The following SAMD4A variants were observed in gnomAD, a reference collection of about 807,000 sequenced individuals.
SAMD4A encodes protein Smaug homolog 1.
In SAMD4A, 33 loss-of-function variants were observed where a neutral mutation model predicts 81.3. The ratio of observed to expected loss-of-function variants is 0.41; its 90% CI spans 0.31 to 0.54. The LOEUF is 0.54. Among genes scored for constraint, SAMD4A ranks in the 20% least tolerant of loss-of-function variants. SAMD4A has a pLI of 0.37. For synonymous variants in SAMD4A, 389 were observed against 382.1 expected, an observed-to-expected ratio of 1.02 and a Z score of -0.21; for missense variants, 854 against 951.1, an observed-to-expected ratio of 0.90 and a Z score of 1.34.
intron 2 of SAMD4A, among the ~76,000 whole-genome samples, chr14:54,621,996 T>C (rs2034629479): frequency 6.6e-6 from 1 of 152,174 alleles, no homozygotes; most frequent in Non-Finnish European, 1.5e-5. Flanking sequence ...ATAATAAACA[T>C]TTTTCTCTAG....
chr14:54,569,269 C>A (rs945610145), intron 2 of SAMD4A, among the ~76,000 whole-genome samples: 3 of 152,128 alleles, frequency 2.0e-5, no homozygotes, highest in Non-Finnish European at 2.9e-5. Flanking sequence ...AGTGTGCCTT[C>A]AGAGCAGCAA....
At chr14:54,773,601 C>T (rs1594927658) in intron 9 of SAMD4A, among the ~76,000 whole-genome samples, 1 of 152,220 alleles carries the variant, frequency 6.6e-6, no homozygotes, top group Non-Finnish European at 1.5e-5. Flanking sequence ...GGCATCTGCA[C>T]GTGATGCTAA....
At chr14:54,760,101 C>G in intron 6 of SAMD4A, 60 bp from the exon 7 acceptor site, 1 of 1,543,934 alleles carries the variant, frequency 6.5e-7, no homozygotes, top group Non-Finnish European at 8.8e-7. Context: ...AGGGCAGGTA[C>G]GGGGGTGGAT....
At chr14:54,607,751 G>T (rs2140251562) in intron 2 of SAMD4A, among the ~76,000 whole-genome samples, 1 of 152,210 alleles carries the variant, frequency 6.6e-6, no homozygotes, top group South Asian at 2.1e-4. Flanking sequence ...ACCGCGCCCG[G>T]CCTCAAGGTC....
chr14:54,625,784 C>T (rs940901296), intron 2 of SAMD4A, among the ~76,000 whole-genome samples: 8 of 152,196 alleles, frequency 5.3e-5, no homozygotes, highest in African/African-American at 1.9e-4. Flanking sequence ...GGGGCATGTT[C>T]AGCTCATGAC....
chr14:54,640,856 T>C (rs1377772747), intron 2 of SAMD4A, among the ~76,000 whole-genome samples: 1 of 152,242 alleles, frequency 6.6e-6, no homozygotes, highest in Non-Finnish European at 1.5e-5. Flanking sequence ...TTCTCCCTGC[T>C]TCCTACTGGC....
intron 2 of SAMD4A, among the ~76,000 whole-genome samples, chr14:54,665,736 A>G (rs1227323131): frequency 2.0e-5 from 3 of 152,180 alleles, no homozygotes; most frequent in African/African-American, 7.2e-5. Flanking sequence ...CATCTTCTCT[A>G]ACCATCCCTA....
At chr14:54,653,283 C>T (rs1295052409) in intron 2 of SAMD4A, among the ~76,000 whole-genome samples, 3 of 148,660 alleles carry the variant, frequency 2.0e-5, no homozygotes, top group Admixed American at 6.8e-5. Context: ...TCAACTTTGC[C>T]CTCAAGACTT....
intron 2 of SAMD4A, among the ~76,000 whole-genome samples, chr14:54,607,473 T>C (rs981329642): frequency 1.3e-5 from 2 of 151,470 alleles, no homozygotes; most frequent in Admixed American, 6.6e-5. Context: ...TTTTTTTTTT[T>C]TAGACGGAGT....
intron 2 of SAMD4A, among the ~76,000 whole-genome samples, chr14:54,642,078 G>A (rs189566093): frequency 1.6e-4 from 25 of 152,246 alleles, no homozygotes; most frequent in Admixed American, 1.2e-3. Context: ...GATTACAGGC[G>A]TGAGCCACTA....
intron 3 of SAMD4A, among the ~76,000 whole-genome samples, chr14:54,729,708 A>G (rs2037510962): frequency 6.6e-6 from 1 of 152,200 alleles, no homozygotes; most frequent in African/African-American, 2.4e-5. Flanking sequence ...AGCCAGGTTG[A>G]TCCCATCGTT....
chr14:54,676,099 T>A (rs191471743), intron 2 of SAMD4A, among the ~76,000 whole-genome samples: 1 of 152,272 alleles, frequency 6.6e-6, no homozygotes, highest in East Asian at 1.9e-4. Flanking sequence ...CTAAGAAAGA[T>A]GGAGAACAAC....
At chr14:54,615,167 C>A (rs1421987254) in intron 2 of SAMD4A, among the ~76,000 whole-genome samples, 1 of 152,150 alleles carries the variant, frequency 6.6e-6, no homozygotes, top group Non-Finnish European at 1.5e-5. Flanking sequence ...GACTGACCCA[C>A]CTGGAGAGGT....
intron 3 of SAMD4A, among the ~76,000 whole-genome samples, chr14:54,714,735 C>T (rs1449414839): frequency 6.6e-6 from 1 of 152,056 alleles, no homozygotes. Flanking sequence ...TTATTGTTGT[C>T]GTTATTACTG....
chr14:54,626,956 C>T (rs1436982391), intron 2 of SAMD4A, among the ~76,000 whole-genome samples: 1 of 152,132 alleles, frequency 6.6e-6, no homozygotes, highest in Non-Finnish European at 1.5e-5. Context: ...GAGAGCCAAG[C>T]CAAGGACTGG....
intron 2 of SAMD4A, among the ~76,000 whole-genome samples, chr14:54,690,773 C>A (rs2036412893): frequency 6.6e-6 from 1 of 152,054 alleles, no homozygotes; most frequent in Admixed American, 6.5e-5. Context: ...AAGCTAGATT[C>A]AAACAACACA....
chr14:54,591,170 G>A (rs1021530066), intron 2 of SAMD4A, among the ~76,000 whole-genome samples: 25 of 152,196 alleles, frequency 1.6e-4, no homozygotes, highest in Admixed American at 6.5e-5. Flanking sequence ...CACAAGAGAA[G>A]CTGTCCTGCC....
At chr14:54,766,101 T>C (rs1000421104) in intron 8 of SAMD4A, among the ~76,000 whole-genome samples, 5 of 152,170 alleles carry the variant, frequency 3.3e-5, no homozygotes, top group Non-Finnish European at 7.3e-5. Context: ...CCCTCTTTAA[T>C]GGCTTCCCTA....
chr14:54,616,338 A>T, intron 2 of SAMD4A, among the ~76,000 whole-genome samples: 1 of 152,206 alleles, frequency 6.6e-6, no homozygotes, highest in East Asian at 1.9e-4. Flanking sequence ...ATTCTTTAGA[A>T]GTTCTTAAAA....
Sources: gnomAD v4.1 joint callset for allele counts (sites outside exome capture counted in the v4.1 genomes callset) on GRCh38, gnomAD v4.1.1 for gene constraint, MANE v1.5 for transcripts, NCBI Gene and HGNC (gene_info 2026-07-23, HGNC 2026-07-21) for gene names.